Variants in CYTH3 observed in about 807,000 individuals in gnomAD.
The protein encoded by CYTH3 is cytohesin 3, also known as cytohesin-3.
In CYTH3, 23 loss-of-function variants were observed where a neutral mutation model predicts 55.1. That is an observed-to-expected ratio of 0.42 (90% CI 0.30 to 0.59). CYTH3 has a LOEUF of 0.59. CYTH3 is among the 20% of genes least tolerant of loss of function. The pLI, the probability that CYTH3 is intolerant of heterozygous loss-of-function variation, is 0.20. For missense variants in CYTH3, 413 were observed against 524.8 expected (o/e 0.79, Z 2.08); for synonymous variants, 249 against 194.9 (o/e 1.28, Z -2.31).
At chr7:6,194,010 C>G (rs973620189) in intron 1 of CYTH3, among the ~76,000 whole-genome samples, 18 of 152,160 alleles carry the variant, frequency 1.2e-4, no homozygotes, top group African/African-American at 4.3e-4. Context: ...ATCTGAGGGG[C>G]AGACACCAAC....
intron 1 of CYTH3, among the ~76,000 whole-genome samples, chr7:6,211,636 T>A (rs6970291): frequency 0.012 from 1,884 of 152,182 alleles, 33 homozygotes; most frequent in African/African-American, 0.042. Context: ...CTGGCCTAAA[T>A]ATATTCTTTT....
At chr7:6,263,924 C>G (rs1780418573) in intron 1 of CYTH3, among the ~76,000 whole-genome samples, 1 of 152,040 alleles carries the variant, frequency 6.6e-6, no homozygotes, top group Non-Finnish European at 1.5e-5. Flanking sequence ...AGATTACATA[C>G]AGTGTGATCT....
At chr7:6,226,435 T>C (rs1177137757) in intron 1 of CYTH3, among the ~76,000 whole-genome samples, 3 of 151,846 alleles carry the variant, frequency 2.0e-5, no homozygotes, top group Non-Finnish European at 4.4e-5. Context: ...TAGATGAGGG[T>C]GGGGAGGTGG....
chr7:6,205,744 G>T (rs1284471027), intron 1 of CYTH3, among the ~76,000 whole-genome samples: 2 of 151,814 alleles, frequency 1.3e-5, no homozygotes, highest in South Asian at 4.2e-4. Context: ...AGGTGTGGTG[G>T]TACATACCTG....
At chr7:6,207,704 C>T (rs1784226521) in intron 1 of CYTH3, among the ~76,000 whole-genome samples, 1 of 151,704 alleles carries the variant, frequency 6.6e-6, no homozygotes, top group Non-Finnish European at 1.5e-5. Context: ...AATCCCAGCA[C>T]TTTGGGAGGT....
At position 6,165,718 on chromosome 7, in the gene CYTH3, C is replaced by T. The variant is rs1273997561; in HGVS notation, c.900+16G>A. 4 of 1,614,010 alleles carry T rather than the reference C, an allele frequency of 2.5e-6. No homozygotes were observed. ...GGACTGCTGGGAGGCGGCAAGGAGG[C>T]CTGGCCCTTACTTACTGTTGTGTAT... On this transcript the variant is annotated intron_variant, in intron 10 of 12. Transcript: ENST00000350796.
intron 1 of CYTH3, among the ~76,000 whole-genome samples, chr7:6,205,063 G>A (rs1784153197): frequency 6.6e-6 from 1 of 152,046 alleles, no homozygotes; most frequent in Admixed American, 6.6e-5. Context: ...CTACTTGGGG[G>A]CTGAGGTAGG....
intron 1 of CYTH3, among the ~76,000 whole-genome samples, chr7:6,217,571 C>G (rs1252237913): frequency 6.6e-6 from 1 of 152,146 alleles, no homozygotes; most frequent in African/African-American, 2.4e-5. Flanking sequence ...CCAGCAACAA[C>G]AGAGCTGAGA....
At position 6,259,804 on chromosome 7, in the gene CYTH3, TATATATATA is replaced by T. The variant is rs1562417930; in HGVS notation, c.34+12661_34+12669del. Among the ~76,000 whole-genome samples, 8 of 30,194 alleles carry T rather than the reference TATATATATA, an allele frequency of 2.6e-4. 3 individuals carry two copies. Among genetic ancestry groups the T allele is most frequent in the African/African-American group, 2.4e-3 (8 of 3,310 alleles). 19.8% of individuals were successfully genotyped at this position (30,194 alleles called of 152,430 possible). A position where few individuals can be genotyped will look rare whatever the true frequency, so the allele number is the denominator to read the frequency against. ...TATATAATATATATATATATATATATATATATATAATATATATATATATATATATTTTTT... is the reference window on the plus strand; with the variant it reads ...TATATAATATATATATATATATATATATATATATATATATATATATTTTTT... On this transcript the variant is annotated intron_variant, in intron 1 of 12. Coordinates refer to ENST00000350796, the MANE Select transcript of CYTH3 (RefSeq NM_004227.4).
rs563058758 is a variant in CYTH3, at chr7:6,212,011, A to T, written c.35-21480T>A. 2.3e-4 allele frequency among the ~76,000 whole-genome samples: 35 copies of T among 152,124 alleles called. No individual in the cohort carries two copies. In the East Asian group the frequency reaches 2.3e-3, roughly 10 times the overall value. ...AAAAATAAATAAATAAATAAATAAA[A>T]AATACTAGGGTCTTATTCATTCTTT... is the stretch of plus-strand genomic sequence containing the variant. On this transcript the variant is annotated intron_variant, in intron 1 of 12. Transcript: ENST00000350796.
At chr7:6,226,026 A>T (rs2128552622) in intron 1 of CYTH3, among the ~76,000 whole-genome samples, 1 of 152,334 alleles carries the variant, frequency 6.6e-6, no homozygotes, top group South Asian at 2.1e-4. Flanking sequence ...TTTTGTCTTT[A>T]AACAAAGAGA....
At chr7:6,184,614 C>G (rs903260580) in intron 4 of CYTH3, among the ~76,000 whole-genome samples, 3 of 151,952 alleles carry the variant, frequency 2.0e-5, no homozygotes, top group African/African-American at 4.8e-5. Context: ...GCCTCTTACT[C>G]TTGTCGCCCA....
chr7:6,185,215 A>G (rs189505554), intron 4 of CYTH3, among the ~76,000 whole-genome samples: 4 of 152,382 alleles, frequency 2.6e-5, no homozygotes, highest in East Asian at 3.9e-4. Context: ...AAGCAACAGG[A>G]AAGTTTTCAC....
intron 9 of CYTH3, among the ~76,000 whole-genome samples, chr7:6,168,010 C>G (rs906285772): frequency 1.3e-5 from 2 of 152,206 alleles, no homozygotes; most frequent in Non-Finnish European, 2.9e-5. Flanking sequence ...CAGAGCCGAG[C>G]AGGCTCTGCT....
At chr7:6,253,682 A>C (rs1009237928) in intron 1 of CYTH3, among the ~76,000 whole-genome samples, 6 of 152,060 alleles carry the variant, frequency 3.9e-5, no homozygotes, top group African/African-American at 1.2e-4. Flanking sequence ...CGGGCGTGGT[A>C]GTAGGCACCT....
intron 4 of CYTH3, among the ~76,000 whole-genome samples, chr7:6,179,908 ACACACACACAAAC>A (rs983385010): frequency 2.8e-5 from 4 of 144,484 alleles, no homozygotes; most frequent in Non-Finnish European, 6.1e-5. Flanking sequence ...ACACACAACC[ACACACACACAAAC>A]CACACACACA....
At chr7:6,187,454 T>C (rs1244156387) in intron 3 of CYTH3, among the ~76,000 whole-genome samples, 2 of 152,104 alleles carry the variant, frequency 1.3e-5, no homozygotes, top group East Asian at 3.9e-4. Context: ...GATGATGACT[T>C]ACAGAGGAGG....
chr7:6,258,176 C>T (rs1480839388), intron 1 of CYTH3, among the ~76,000 whole-genome samples: 8 of 151,526 alleles, frequency 5.3e-5, no homozygotes, highest in African/African-American at 9.7e-5. Flanking sequence ...TTTAAATTAG[C>T]GCAGCGTGGT....
At chr7:6,222,615 C>T (rs534196025) in intron 1 of CYTH3, among the ~76,000 whole-genome samples, 6 of 151,874 alleles carry the variant, frequency 4.0e-5, no homozygotes, top group East Asian at 1.9e-4. Context: ...GGCGTGGTGG[C>T]GGGCACCTGT....
Sources: allele counts gnomAD v4.1 joint callset (sites outside exome capture counted in the v4.1 genomes callset), GRCh38; gene constraint gnomAD v4.1.1; transcripts MANE v1.5; gene names NCBI Gene and HGNC (gene_info 2026-07-23, HGNC 2026-07-21).